The following TRPC4AP variants were observed in gnomAD, a reference collection of about 807,000 sequenced individuals.
TRPC4AP encodes the protein transient receptor potential cation channel subfamily C member 4 associated protein.
A neutral mutation model predicts 99.0 loss-of-function variants in TRPC4AP; 45 were observed. The ratio of observed to expected loss-of-function variants is 0.45; its 90% CI spans 0.36 to 0.58. The LOEUF is 0.58. Ranked by LOEUF, TRPC4AP falls within the 20% of genes least tolerant of loss-of-function variation. The probability of loss-of-function intolerance (pLI) is 0.00; values close to 1 mark genes in which losing one functional copy is unlikely to be tolerated. For missense variants in TRPC4AP, 879 were observed against 985.3 expected (o/e 0.89, Z 1.44); for synonymous variants, 408 against 385.8 (o/e 1.06, Z -0.67).
intron 9 of TRPC4AP, 43 bp from the exon 10 acceptor site, chr20:35,016,182 T>C (rs1357705961): frequency 1.2e-6 from 2 of 1,612,054 alleles, no homozygotes; most frequent in Non-Finnish European, 1.7e-6. Flanking sequence ...CAAATGTGCT[T>C]GAAAAATCTA....
intron 6 of TRPC4AP, among the ~76,000 whole-genome samples, chr20:35,046,749 T>C (rs1363420785): frequency 6.6e-6 from 1 of 152,210 alleles, no homozygotes; most frequent in Non-Finnish European, 1.5e-5. Flanking sequence ...CTACTATTAT[T>C]GGCAACTGTA....
At chr20:35,008,891 G>C (rs887324726) in intron 12 of TRPC4AP, 144 bp from the exon 13 acceptor site, 1 of 678,056 alleles carries the variant, frequency 1.5e-6, no homozygotes, top group African/African-American at 1.8e-5. Context: ...ACTGGGTCCA[G>C]AGCCCCGGAG....
In TRPC4AP at chr20:35,003,020, G is replaced by A. The variant is rs903103160; in HGVS notation, c.*126C>T. 1.4e-6 allele frequency: 2 copies of A among 1,382,600 alleles called. No homozygotes were observed. Among genetic ancestry groups the A allele is most frequent in the Non-Finnish European group, 2.0e-6 (2 of 1,010,758 alleles). The allele number at this position is 1,382,600 out of a possible 1,614,324, so 85.6% of individuals were successfully genotyped here. On this transcript the variant is annotated 3_prime_UTR_variant, in exon 19 of 19. Coordinates refer to ENST00000252015, the MANE Select transcript of TRPC4AP (RefSeq NM_015638.3). ...GCTTCTAGGACTTCCCTCCCACCAA[G>A]CCTGTACCCAAAGACCTGGGGCAGG...
chr20:35,040,991 G>A (rs903999547), intron 7 of TRPC4AP, among the ~76,000 whole-genome samples: 2 of 117,982 alleles, frequency 1.7e-5, no homozygotes, highest in African/African-American at 3.1e-5. Context: ...AGAGATCTCC[G>A]TCTCTCCTCA....
In TRPC4AP at chr20:35,004,489, A is replaced by G; in HGVS notation, c.2018T>C (p.Ile673Thr). 2 of 1,613,996 alleles carry G rather than the reference A, an allele frequency of 1.2e-6. No homozygotes were observed. The highest frequency in any genetic ancestry group is 1.6e-4 in the Middle Eastern group (1 of 6,062). Reference sequence around the variant, plus strand: ...CAGCGTCTGCACGTGGATGATGTTGATGAGGCGGAAGAGGAAGGACATCTG... The same window carrying G: ...CAGCGTCTGCACGTGGATGATGTTGGTGAGGCGGAAGAGGAAGGACATCTG... ...PTQMSFLFRL[I>T]NIIHVQTLTQ... The change falls in exon 17 of 19, where the codon ATC becomes ACC. Residue 673 changes from isoleucine to threonine, a missense_variant. This residue lies in a region of TRPC4AP where 224 missense variants were observed against 264.7 expected (regional missense o/e 0.85). Coordinates refer to ENST00000252015, the MANE Select transcript of TRPC4AP (RefSeq NM_015638.3).
At chr20:35,056,551 T>C (rs2083830133) in intron 4 of TRPC4AP, among the ~76,000 whole-genome samples, 1 of 151,968 alleles carries the variant, frequency 6.6e-6, no homozygotes, top group Non-Finnish European at 1.5e-5. Context: ...TTATACAGTA[T>C]GTCGTATTGG....
intron 7 of TRPC4AP, among the ~76,000 whole-genome samples, chr20:35,040,996 T>A (rs2083433615): frequency 8.8e-6 from 1 of 113,692 alleles, no homozygotes; most frequent in Non-Finnish European, 2.0e-5. Context: ...TCTCCGTCTC[T>A]CCTCAATGAC....
At chr20:35,049,091 T>C (rs569568087) in intron 6 of TRPC4AP, among the ~76,000 whole-genome samples, 1 of 152,190 alleles carries the variant, frequency 6.6e-6, no homozygotes, top group African/African-American at 2.4e-5. Context: ...GCAACCAACA[T>C]GGAGGCTCAG....
chr20:35,066,860 A>G (rs761562999), intron 3 of TRPC4AP, among the ~76,000 whole-genome samples: 4 of 152,200 alleles, frequency 2.6e-5, no homozygotes, highest in Non-Finnish European at 5.9e-5. Context: ...TTACAGATCA[A>G]TAAGAAAAAG....
rs147499555 is a variant in TRPC4AP, at chr20:35,003,231, T to C, written c.2309A>G (p.Asn770Ser). 91 of 1,614,162 alleles carry C rather than the reference T, an allele frequency of 5.6e-5. No homozygotes were observed. The African/African-American group carries it at 1.2e-3, about 21-fold the overall frequency. ...AGCAGAGGGTGACTGCCGGTCCGGG[T>C]TCAACAGGATGGACACTGTCTCCTT... ...YWKETVSILLNPDRQSPSALV... is the reference protein window; with the variant it reads ...YWKETVSILLSPDRQSPSALV... The change falls in exon 19 of 19, where the codon AAC (asparagine) becomes AGC (serine). Residue 770 changes from asparagine (N) to serine (S), a missense_variant. Around this residue, in one of 3 missense-constraint regions of TRPC4AP, gnomAD observed 224 missense variants for 264.7 expected, o/e 0.85. Coordinates refer to ENST00000252015, the MANE Select transcript of TRPC4AP (RefSeq NM_015638.3).
intron 1 of TRPC4AP, among the ~76,000 whole-genome samples, chr20:35,090,481 C>A (rs1263101202): frequency 1.4e-5 from 2 of 143,928 alleles, no homozygotes; most frequent in East Asian, 4.4e-4. Context: ...TCAAGCAATT[C>A]TCCTGCCTCA....
At chr20:35,053,674 C>A (rs2083754424) in intron 5 of TRPC4AP, among the ~76,000 whole-genome samples, 1 of 152,156 alleles carries the variant, frequency 6.6e-6, no homozygotes, top group African/African-American at 2.4e-5. Context: ...AAACAAAACA[C>A]ACACACACAT....
chr20:35,055,273 T>A (rs2083798210), intron 4 of TRPC4AP, among the ~76,000 whole-genome samples: 1 of 152,222 alleles, frequency 6.6e-6, no homozygotes, highest in African/African-American at 2.4e-5. Context: ...TGCTCCACAG[T>A]CTTCATAATT....
At chr20:35,013,627 G>A (rs1368302333) in intron 10 of TRPC4AP, among the ~76,000 whole-genome samples, 4 of 152,096 alleles carry the variant, frequency 2.6e-5, no homozygotes, top group Non-Finnish European at 4.4e-5. Flanking sequence ...GGAGGAGCGG[G>A]GGAAGTCCAT....
chr20:35,091,173 A>G (rs2085053667), intron 1 of TRPC4AP, among the ~76,000 whole-genome samples: 1 of 151,556 alleles, frequency 6.6e-6, no homozygotes, highest in Admixed American at 6.6e-5. Context: ...AAATTTTTGG[A>G]GACACAGGAT....
At chr20:35,086,505 ATATGTGTGTGTGTGTATATATG>A (rs2084868880) in intron 1 of TRPC4AP, among the ~76,000 whole-genome samples, 1 of 46,652 alleles carries the variant, frequency 2.1e-5, no homozygotes, top group Non-Finnish European at 5.2e-5. Flanking sequence ...ATGTGTATAT[ATATGTGTGTGTGTGTATATATG>A]TGTGTGTGTG....
chr20:35,023,861 G>A (rs1261164887), intron 8 of TRPC4AP, among the ~76,000 whole-genome samples: 1 of 152,256 alleles, frequency 6.6e-6, no homozygotes, highest in East Asian at 1.9e-4. Context: ...GAAAGAGACA[G>A]GGCAGCCTGA....
At chr20:35,086,310 C>G (rs1247221620) in intron 1 of TRPC4AP, among the ~76,000 whole-genome samples, 4 of 151,838 alleles carry the variant, frequency 2.6e-5, no homozygotes, top group Admixed American at 1.3e-4. Flanking sequence ...TTGGGTTATT[C>G]TGACAATACA....
chr20:35,083,597 G>A (rs1374033257), intron 1 of TRPC4AP, among the ~76,000 whole-genome samples: 5 of 148,570 alleles, frequency 3.4e-5, no homozygotes, highest in South Asian at 2.1e-4. Context: ...GAGACAGAGC[G>A]AGACTCCATC....
Sources: gnomAD v4.1 joint callset for allele counts (sites outside exome capture counted in the v4.1 genomes callset) on GRCh38, gnomAD v4.1.1 for gene constraint, gnomAD v4.1.1 regional missense constraint, MANE v1.5 for transcripts, NCBI Gene and HGNC (gene_info 2026-07-23, HGNC 2026-07-21) for gene names.